The following BRINP3 variants were observed in gnomAD, a reference collection of about 807,000 sequenced individuals.
BRINP3 encodes the protein BMP/retinoic acid-inducible neural-specific protein 3.
Under a neutral mutation model 71.0 loss-of-function variants are expected in BRINP3, and 19 were observed. That is an observed-to-expected ratio of 0.27 (90% CI 0.19 to 0.39). The LOEUF (loss-of-function observed/expected upper bound fraction) is 0.39, where lower values mean the gene tolerates loss of function less well. BRINP3 is among the 10% of genes least tolerant of loss of function. The pLI is 1.00. For missense variants in BRINP3, 959 were observed against 940.8 expected, an observed-to-expected ratio of 1.02 and a Z score of -0.25; for synonymous variants, 380 against 337.7, an observed-to-expected ratio of 1.13 and a Z score of -1.37.
intron 3 of BRINP3, among the ~76,000 whole-genome samples, chr1:190,266,615 C>T (rs982225716): frequency 6.6e-6 from 1 of 151,962 alleles, no homozygotes; most frequent in African/African-American, 2.4e-5. Flanking sequence ...AATAAACAAA[C>T]AAAAAATCCC....
chr1:190,177,959 ATAGCATTAGGTTG>A (rs1395505471), intron 6 of BRINP3, among the ~76,000 whole-genome samples: 1 of 152,180 alleles, frequency 6.6e-6, no homozygotes, highest in Non-Finnish European at 1.5e-5. Context: ...AATTATTTAC[ATAGCATTAGGTTG>A]TATTAAGTAT....
At chr1:190,413,665 A>C (rs4845237) in intron 2 of BRINP3, among the ~76,000 whole-genome samples, 25,488 of 152,060 alleles carry the variant, frequency 0.17, 2,222 homozygotes, top group Middle Eastern at 0.22. Flanking sequence ...CAGTTCTGTC[A>C]ACCCTTGATT....
chr1:190,389,482 A>G (rs2102296297), intron 2 of BRINP3, among the ~76,000 whole-genome samples: 1 of 151,980 alleles, frequency 6.6e-6, no homozygotes, highest in South Asian at 2.1e-4. Flanking sequence ...TTTAGGAACT[A>G]AAATTTAGTC....
intron 1 of BRINP3, among the ~76,000 whole-genome samples, chr1:190,458,618 T>C (rs2102648422): frequency 6.6e-6 from 1 of 152,182 alleles, no homozygotes; most frequent in South Asian, 2.1e-4. Flanking sequence ...ATAACCATAT[T>C]AATCCATGTG....
At chr1:190,358,867 T>C (rs796348044) in intron 2 of BRINP3, among the ~76,000 whole-genome samples, 44 of 152,240 alleles carry the variant, frequency 2.9e-4, no homozygotes, top group Admixed American at 1.2e-3. Flanking sequence ...TGCAGGGACA[T>C]GGATGCAGCT....
intron 2 of BRINP3, among the ~76,000 whole-genome samples, chr1:190,332,532 A>G (rs1667033942): frequency 6.6e-6 from 1 of 152,014 alleles, no homozygotes; most frequent in African/African-American, 2.4e-5. Context: ...CCAAGCTGAA[A>G]TACATGGGTC....
chr1:190,318,672 A>T (rs973225597), intron 2 of BRINP3, among the ~76,000 whole-genome samples: 1 of 150,222 alleles, frequency 6.7e-6, no homozygotes, highest in Non-Finnish European at 1.5e-5. Flanking sequence ...TTTCACAGAG[A>T]TTTTTTTTTT....
intron 4 of BRINP3, among the ~76,000 whole-genome samples, chr1:190,246,687 C>T (rs1659643498): frequency 6.6e-6 from 1 of 151,970 alleles, no homozygotes; most frequent in Non-Finnish European, 1.5e-5. Flanking sequence ...TGGCTTTCTG[C>T]CATGAACTAA....
At chr1:190,237,116 G>T (rs180680461) in intron 4 of BRINP3, among the ~76,000 whole-genome samples, 40 of 151,870 alleles carry the variant, frequency 2.6e-4, no homozygotes, top group Non-Finnish European at 4.7e-4. Flanking sequence ...GAGAATATTT[G>T]AATATCTCTG....
intron 1 of BRINP3, among the ~76,000 whole-genome samples, chr1:190,476,775 C>G (rs939622187): frequency 2.0e-5 from 3 of 152,020 alleles, no homozygotes; most frequent in Non-Finnish European, 2.9e-5. Context: ...TTCACAAAAT[C>G]AGAAATGTAC....
chr1:190,294,084 G>A (rs1093040), intron 2 of BRINP3, among the ~76,000 whole-genome samples: 124,218 of 151,830 alleles, frequency 0.82, 50,980 homozygotes, highest in Middle Eastern at 0.93. Flanking sequence ...ATGTTCTGTA[G>A]CTCCTCTCTT....
At chr1:190,222,376 C>T (rs1656969366) in intron 6 of BRINP3, among the ~76,000 whole-genome samples, 1 of 151,118 alleles carries the variant, frequency 6.6e-6, no homozygotes, top group African/African-American at 2.4e-5. Flanking sequence ...AAAAATACAA[C>T]AAACCAAAAC....
chr1:190,331,982 CTT>C (rs1666994960), intron 2 of BRINP3, among the ~76,000 whole-genome samples: 1 of 151,880 alleles, frequency 6.6e-6, no homozygotes, highest in South Asian at 2.1e-4. Flanking sequence ...TCTTTTCGTG[CTT>C]TTTATAATTA....
At position 190,160,554 on chromosome 1, in the gene BRINP3, A is replaced by T. The variant is rs537326186; in HGVS notation, c.1184+114T>A. 7.1e-4 allele frequency: 538 copies of T among 758,810 alleles called. 5 individuals carry two copies. In the South Asian group the frequency reaches 0.011, roughly 15 times the overall value. The allele number at this position is 758,810 out of a possible 1,614,324, so 47.0% of individuals were successfully genotyped here. A position where few individuals can be genotyped will look rare whatever the true frequency, so the allele number is the denominator to read the frequency against. On this transcript the variant is annotated intron_variant, in intron 7 of 7. Transcript: ENST00000367462. ...ATATATTGTTTTCAAATTATCTCTA[A>T]TAGTATAAATTAGATCATGATTTGT... is the stretch of plus-strand genomic sequence containing the variant.
chr1:190,453,649 T>A (rs1044419152), intron 2 of BRINP3, among the ~76,000 whole-genome samples: 1 of 152,334 alleles, frequency 6.6e-6, no homozygotes, highest in East Asian at 1.9e-4. Flanking sequence ...TTCATGGAAC[T>A]TGCTCAGGAC....
intron 2 of BRINP3, among the ~76,000 whole-genome samples, chr1:190,421,682 T>C (rs1300794579): frequency 6.6e-6 from 1 of 151,760 alleles, no homozygotes. Flanking sequence ...TAGATAGATT[T>C]GAATCCAGGC....
chr1:190,414,337 G>GT (rs147545737), intron 2 of BRINP3, among the ~76,000 whole-genome samples: 1,868 of 146,666 alleles, frequency 0.013, 19 homozygotes, highest in African/African-American at 0.028. Flanking sequence ...AAATCACTGT[G>GT]TTTTTTTTTT....
intron 2 of BRINP3, among the ~76,000 whole-genome samples, chr1:190,383,762 GA>G (rs1194487695): frequency 1.3e-5 from 2 of 151,728 alleles, no homozygotes; most frequent in Admixed American, 6.6e-5. Flanking sequence ...TAATGTTTGT[GA>G]AAAAACACTT....
intron 6 of BRINP3, among the ~76,000 whole-genome samples, chr1:190,216,430 A>C (rs1256630607): frequency 6.6e-6 from 1 of 151,818 alleles, no homozygotes; most frequent in East Asian, 1.9e-4. Flanking sequence ...AACAACATAA[A>C]TTTATTTTCT....
Sources: allele counts gnomAD v4.1 joint callset (sites outside exome capture counted in the v4.1 genomes callset), GRCh38; gene constraint gnomAD v4.1.1; transcripts MANE v1.5; gene names NCBI Gene and HGNC (gene_info 2026-07-23, HGNC 2026-07-21).